The following ZSCAN1 variants were observed in gnomAD, a reference collection of about 807,000 sequenced individuals.
ZSCAN1 encodes the protein zinc finger and SCAN domain containing 1.
In ZSCAN1, 23 loss-of-function variants were observed where a neutral mutation model predicts 23.8. That is an observed-to-expected ratio of 0.97 (90% confidence interval 0.70 to 1.37). ZSCAN1 has a LOEUF of 1.37. ZSCAN1 is among the 40% of genes most tolerant of loss of function. ZSCAN1 has a pLI of 0.00. For missense variants in ZSCAN1, 575 were observed against 554.0 expected (o/e 1.04, Z -0.38); for synonymous variants, 236 against 232.3 (o/e 1.02, Z -0.15).
In ZSCAN1 at chr19:58,038,185, A is replaced by G; in HGVS notation, c.349A>G (p.Thr117Ala). 2 of 1,607,162 alleles carry G rather than the reference A, an allele frequency of 1.2e-6. No individual in the cohort carries two copies. The highest frequency in any genetic ancestry group is 2.2e-5 in the East Asian group (1 of 44,756). ...REAASLVEDL[T>A]QMCQQEVLVS... Reference sequence around the variant, plus strand: ...GGCCGCCAGCCTGGTGGAGGACCTCACACAGATGTGCCAGCAGGAAGGTGA... The same window carrying G: ...GGCCGCCAGCCTGGTGGAGGACCTCGCACAGATGTGCCAGCAGGAAGGTGA... The change falls in exon 3 of 6, where the codon ACA (threonine) becomes GCA (alanine). Residue 117 changes from threonine (T) to alanine (A), a missense_variant. Physicochemically the swap from Thr to Ala is moderately conservative, Grantham distance 58. Coordinates refer to ENST00000282326, the MANE Select transcript of ZSCAN1 (RefSeq NM_182572.4).
At chr19:58,038,284 G>A (rs1367906088) in intron 3 of ZSCAN1, 78 bp downstream of exon 3, 30 of 1,521,368 alleles carry the variant, frequency 2.0e-5, no homozygotes, top group South Asian at 3.6e-5. Flanking sequence ...CCTCCTTCCC[G>A]CCCACATCGC....
rs959717645 is a variant in ZSCAN1, at chr19:58,049,341, A to G, written c.466-3149A>G. On this transcript the variant is annotated intron_variant, in intron 4 of 5. Coordinates refer to ENST00000282326, the MANE Select transcript of ZSCAN1 (RefSeq NM_182572.4). The surrounding 1 kb of genome is among the most constrained non-coding windows in gnomAD (Gnocchi z 4.5). Reference sequence around the variant, plus strand: ...ATCTGCAACTTCCCTAAGTCAAGACACATCGTCAGATCTTTTTGCTTGTAA... The same window carrying G: ...ATCTGCAACTTCCCTAAGTCAAGACGCATCGTCAGATCTTTTTGCTTGTAA... 2.6e-5 allele frequency: 4 copies of G among 152,280 alleles called. No individual in the cohort carries two copies. Among genetic ancestry groups the G allele is most frequent in the African/African-American group, 9.7e-5 (4 of 41,448 alleles). The allele number at this position is 152,280 out of a possible 1,614,324, so 9.4% of individuals were successfully genotyped here.
downstream of ZSCAN1, among the ~76,000 whole-genome samples, chr19:58,056,136 ACT>A (rs1438725083): frequency 1.3e-5 from 2 of 151,760 alleles, no homozygotes; most frequent in African/African-American, 4.8e-5. Context: ...CTCTAAGCAA[ACT>A]CTGCCTCCAG....
At chr19:58,041,694 C>A (rs976398903) in intron 4 of ZSCAN1, among the ~76,000 whole-genome samples, 1 of 138,746 alleles carries the variant, frequency 7.2e-6, no homozygotes, top group African/African-American at 2.8e-5. Flanking sequence ...GCAGCCTGGG[C>A]AACATGGCAA....
intron 2 of ZSCAN1, among the ~76,000 whole-genome samples, chr19:58,036,774 T>C (rs1599898247): frequency 6.6e-6 from 1 of 152,012 alleles, no homozygotes; most frequent in East Asian, 1.9e-4. Flanking sequence ...GCAACCTCTG[T>C]TTCCTGGGTT....
rs912670635 is a variant in ZSCAN1, at chr19:58,042,058, G to A, written c.465+1514G>A. 2.6e-5 allele frequency among the ~76,000 whole-genome samples: 4 copies of A among 152,158 alleles called. No homozygotes were observed. The South Asian group carries it at 8.3e-4, about 31-fold the overall frequency. ...ACAGGCTATGACCTAATGCTTGCTT[G>A]GACCAGTATAGGCACACCAGGGCAA... On this transcript the variant is annotated intron_variant, in intron 4 of 5. Transcript: ENST00000282326.
chr19:58,035,216 T>A (rs1225941195), intron 1 of ZSCAN1, among the ~76,000 whole-genome samples: 1 of 152,128 alleles, frequency 6.6e-6, no homozygotes, highest in Non-Finnish European at 1.5e-5. Flanking sequence ...TCACCAGCCA[T>A]GTAGACCTCA....
In ZSCAN1 at chr19:58,054,156, C is replaced by G. The variant is rs1331505801; in HGVS notation, c.*105C>G. Reference sequence around the variant, plus strand: ...CCCAGCCCCACCAACCCCTGGCCACCTTGGGACTCCTCTTGAAGGACACAA... The same window carrying G: ...CCCAGCCCCACCAACCCCTGGCCACGTTGGGACTCCTCTTGAAGGACACAA... On this transcript the variant is annotated 3_prime_UTR_variant, in exon 6 of 6. Transcript: ENST00000282326. The surrounding 1 kb of genome is among the most constrained non-coding windows in gnomAD (Gnocchi z 4.2). 5 of 1,369,364 alleles carry G rather than the reference C, an allele frequency of 3.7e-6. No homozygotes were observed. The highest frequency in any genetic ancestry group is 4.8e-6 in the Non-Finnish European group (5 of 1,042,120). 84.8% of individuals were successfully genotyped at this position (1,369,364 alleles called of 1,614,324 possible).
chr19:58,044,877 C>T (rs2073814593), intron 4 of ZSCAN1: 2 of 781,670 alleles, frequency 2.6e-6, no homozygotes, highest in Non-Finnish European at 4.5e-6. Flanking sequence ...GTTTTGTGGT[C>T]CTGGGGCCTC....
In ZSCAN1 at chr19:58,038,126, G is replaced by C. The variant is rs2073753618; in HGVS notation, c.290G>C (p.Trp97Ser). 1.9e-6 allele frequency: 3 copies of C among 1,610,340 alleles called. No individual in the cohort carries two copies. Among genetic ancestry groups the C allele is most frequent in the Non-Finnish European group, 8.5e-7 (1 of 1,179,560 alleles). Residue 97 changes from tryptophan to serine, a missense_variant, in exon 3 of 6, where the codon TGG becomes TCG. Transcript: ENST00000282326. ...GCGCTGCCCAGCAAGATGCGGACCTGGGTGCAGTCACAGGGCCCCCGAAGC... is the reference window on the plus strand; with the variant it reads ...GCGCTGCCCAGCAAGATGCGGACCTCGGTGCAGTCACAGGGCCCCCGAAGC... ...LGALPSKMRT[W>S]VQSQGPRSCR...
Position 58,040,241 on chromosome 19 carries a change from T to A in ZSCAN1, c.371-209T>A, listed in dbSNP as rs1164684182. Among the ~76,000 whole-genome samples the A allele has an allele frequency of 6.6e-6, 1 of 151,882 alleles. No individual in the cohort carries two copies. Among genetic ancestry groups the A allele is most frequent in the African/African-American group, 2.4e-5 (1 of 41,316 alleles). ...GGGTGTGGAGTATGAGTGAAGAGGG[T>A]ACTTGTCTTCAGCGGCCCTCGGTGT... On this transcript the variant is annotated intron_variant, in intron 3 of 5. Coordinates refer to ENST00000282326, the MANE Select transcript of ZSCAN1 (RefSeq NM_182572.4). This position sits in a 1 kb window ranked among gnomAD's most constrained non-coding sequence, Gnocchi z 5.8.
In ZSCAN1 at chr19:58,051,043, T is replaced by A. The variant is rs568242467; in HGVS notation, c.466-1447T>A. Among the ~76,000 whole-genome samples, 8 of 152,288 alleles carry A rather than the reference T, an allele frequency of 5.3e-5. No homozygotes were observed. In the South Asian group the frequency reaches 1.7e-3, roughly 32 times the overall value. ...AGGTACAGATAGGGCCCCGGGAATG[T>A]CTTGGTTTCTGTGCCTGACCCAAGT... On this transcript the variant is annotated intron_variant, in intron 4 of 5. Coordinates refer to ENST00000282326, the MANE Select transcript of ZSCAN1 (RefSeq NM_182572.4).
At position 58,038,174 on chromosome 19, in the gene ZSCAN1, T is replaced by C. The variant is rs1354799123; in HGVS notation, c.338T>C (p.Val113Ala). ...PRSCREAASLVEDLTQMCQQE... is the reference protein window; with the variant it reads ...PRSCREAASLAEDLTQMCQQE... Reference sequence around the variant, plus strand: ...AGCTGCAGGGAGGCCGCCAGCCTGGTGGAGGACCTCACACAGATGTGCCAG... The same window carrying C: ...AGCTGCAGGGAGGCCGCCAGCCTGGCGGAGGACCTCACACAGATGTGCCAG... The change falls in exon 3 of 6, where the codon GTG (valine) becomes GCG (alanine). Residue 113 changes from valine to alanine, a missense_variant. Transcript: ENST00000282326. 3.7e-6 allele frequency: 6 copies of C among 1,608,080 alleles called. No individual in the cohort carries two copies. Among genetic ancestry groups the C allele is most frequent in the Non-Finnish European group, 5.1e-6 (6 of 1,178,636 alleles).
chr19:58,044,582 G>T, intron 4 of ZSCAN1: 2 of 849,554 alleles, frequency 2.4e-6, no homozygotes, highest in Non-Finnish European at 3.6e-6. Flanking sequence ...CGCCACGCCC[G>T]GACACACGGC....
chr19:58,050,027 A>C (rs2073849231), intron 4 of ZSCAN1, among the ~76,000 whole-genome samples: 1 of 149,836 alleles, frequency 6.7e-6, no homozygotes, highest in African/African-American at 2.5e-5. Context: ...GGGTAGTGGG[A>C]GGGGGAAATG....
At chr19:58,042,976 C>A (rs1041197261) in intron 4 of ZSCAN1, among the ~76,000 whole-genome samples, 4 of 152,266 alleles carry the variant, frequency 2.6e-5, no homozygotes, top group Non-Finnish European at 5.9e-5. Context: ...GGCCTTAGGC[C>A]TGAGGCCTGG....
chr19:58,037,718 C>A lies in ZSCAN1; in HGVS notation c.-109-10C>A. On this transcript the variant is annotated splice_polypyrimidine_tract_variant and intron_variant, in intron 2 of 5. Transcript: ENST00000282326. ...TGATGTGACCCCTCTGTCCCTGCCC[C>A]TCTCTGCAGGCCCCTGATTGCTGAT... 7.7e-7 allele frequency: 1 copy of A among 1,300,240 alleles called. No homozygotes were observed. Among genetic ancestry groups the A allele is most frequent in the East Asian group, 2.6e-5 (1 of 38,664 alleles). The allele number at this position is 1,300,240 out of a possible 1,614,324, so 80.5% of individuals were successfully genotyped here. A position where few individuals can be genotyped will look rare whatever the true frequency, so the allele number is the denominator to read the frequency against.
intron 3 of ZSCAN1, among the ~76,000 whole-genome samples, chr19:58,039,904 A>G (rs541621268): frequency 4.6e-4 from 70 of 151,864 alleles, no homozygotes; most frequent in African/African-American, 1.7e-3. Context: ...TCTTTTTTTA[A>G]TTAAAAAATA....
chr19:58,054,043 C>A lies in ZSCAN1; in HGVS notation c.1219C>A (p.His407Asn). The change falls in exon 6 of 6, where the codon CAC (histidine) becomes AAC (asparagine). Residue 407 changes from histidine (H) to asparagine (N), a missense_variant. His to Asn is a moderately conservative substitution (Grantham distance 68, BLOSUM62 1). Transcript: ENST00000282326. This position sits in a 1 kb window ranked among gnomAD's most constrained non-coding sequence, Gnocchi z 4.2. Reference protein sequence around the residue: ...DHQKLHTAHGHM With the variant: ...DHQKLHTAHGNM ...CCAGAAGCTCCACACGGCCCACGGC[C>A]ACATGTGAATGGCCAGCCTCGGGCC... The A allele has an allele frequency of 6.6e-7, 1 of 1,514,568 alleles. No homozygotes were observed. Among genetic ancestry groups the A allele is most frequent in the Non-Finnish European group, 8.8e-7 (1 of 1,131,680 alleles). 93.8% of individuals were successfully genotyped at this position (1,514,568 alleles called of 1,614,324 possible).
Sources: gnomAD v4.1 joint callset for allele counts (sites outside exome capture counted in the v4.1 genomes callset) on GRCh38, gnomAD v4.1.1 for gene constraint, Gnocchi (gnomAD v3.1) non-coding constraint, MANE v1.5 for transcripts, NCBI Gene and HGNC (gene_info 2026-07-23, HGNC 2026-07-21) for gene names.